UTRN: variants seen among roughly 807,000 people sequenced by gnomAD.
The protein encoded by UTRN is utrophin, also known as dystrophin-related protein 1.
UTRN carries 283 observed loss-of-function variants against 463.9 expected under a neutral mutation model. That is an observed-to-expected ratio of 0.61 (90% CI 0.55 to 0.67). The LOEUF (loss-of-function observed/expected upper bound fraction) is 0.67. UTRN is among the 30% of genes least tolerant of loss of function. UTRN has a pLI of 0.00. For missense variants in UTRN, 3,922 were observed against 4,084.3 expected (o/e 0.96, Z 1.08); for synonymous variants, 1,442 against 1,431.5 (o/e 1.01, Z -0.17).
chr6:144,320,359 C>G (rs902596465), intron 2 of UTRN, among the ~76,000 whole-genome samples: 1 of 152,116 alleles, frequency 6.6e-6, no homozygotes, highest in Non-Finnish European at 1.5e-5. Context: ...CTCTTTGCAT[C>G]ATTGCCTCTG....
intron 33 of UTRN, 51 bp downstream of exon 33, chr6:144,493,507 CTCAA>C: frequency 6.5e-7 from 1 of 1,545,196 alleles, no homozygotes; most frequent in Non-Finnish European, 8.8e-7. Context: ...CTCTCTCTCT[CTCAA>C]TCTCTCTCTC....
chr6:144,322,203 T>C (rs1007506463), intron 2 of UTRN, among the ~76,000 whole-genome samples: 1 of 152,232 alleles, frequency 6.6e-6, no homozygotes, highest in Non-Finnish European at 1.5e-5. Flanking sequence ...TTTTTTCACA[T>C]GGAAACTGGT....
Position 144,523,189 on chromosome 6 carries a change from G to T in UTRN, c.5906+1G>T. 1.3e-6 allele frequency: 2 copies of T among 1,558,040 alleles called. No individual in the cohort carries two copies. The highest frequency in any genetic ancestry group is 1.7e-6 in the Non-Finnish European group (2 of 1,154,966). On this transcript the variant is annotated splice_donor_variant, in intron 41 of 74. Coordinates refer to ENST00000367545, the MANE Select transcript of UTRN (RefSeq NM_007124.3). LOFTEE classifies it high-confidence loss of function. The stretch of plus-strand genomic sequence containing the variant: ...ATAGAATGTACAGTGATCGGAAAGG[G>T]TATGTGTAAATGAAATTAATATTTA...
intron 41 of UTRN, among the ~76,000 whole-genome samples, chr6:144,524,524 T>C (rs1796393423): frequency 1.3e-5 from 2 of 152,184 alleles, no homozygotes; most frequent in Non-Finnish European, 2.9e-5. Context: ...GCTACTAATT[T>C]TTGTACGTCA....
intron 51 of UTRN, among the ~76,000 whole-genome samples, chr6:144,642,269 C>T (rs920605135): frequency 2.6e-5 from 4 of 152,118 alleles, no homozygotes; most frequent in African/African-American, 9.7e-5. Flanking sequence ...AGATTATATT[C>T]GTTGTATAAA....
chr6:144,528,290 C>A (rs539386297), intron 41 of UTRN, among the ~76,000 whole-genome samples: 1 of 152,296 alleles, frequency 6.6e-6, no homozygotes, highest in East Asian at 1.9e-4. Flanking sequence ...CCTGCCTTGG[C>A]CTCCCAAGTT....
intron 57 of UTRN, among the ~76,000 whole-genome samples, chr6:144,756,462 C>T (rs1791997551): frequency 6.6e-6 from 1 of 152,058 alleles, no homozygotes; most frequent in South Asian, 2.1e-4. Context: ...TTATTCAAAT[C>T]AAAACAATTA....
chr6:144,600,242 G>A (rs950743505), intron 51 of UTRN, among the ~76,000 whole-genome samples: 3 of 152,124 alleles, frequency 2.0e-5, no homozygotes, highest in East Asian at 1.9e-4. Context: ...AAGAAGAATT[G>A]CACAATGCTC....
Position 144,447,734 on chromosome 6 carries a change from C to T in UTRN, c.1855C>T (p.Gln619Ter). Residue 619 changes from glutamine (Q) to a stop codon, truncating the protein, a stop_gained, in exon 16 of 75, where the codon CAA (glutamine) becomes TAA (stop). Coordinates refer to ENST00000367545, the MANE Select transcript of UTRN (RefSeq NM_007124.3). LOFTEE classifies it high-confidence loss of function. ...KINSDSEELT[Q>*]RWDSLVQRLE... is the part of the protein sequence containing the mutation. ...CAACAGTGACTCAGAGGAACTGACTCAAAGATGGGATTCTTTGGTTCAGAG... is the reference window on the plus strand; with the variant it reads ...CAACAGTGACTCAGAGGAACTGACTTAAAGATGGGATTCTTTGGTTCAGAG... 1 of 1,613,812 alleles carries T rather than the reference C, an allele frequency of 6.2e-7. No individual in the cohort carries two copies. The highest frequency in any genetic ancestry group is 8.5e-7 in the Non-Finnish European group (1 of 1,179,864).
In UTRN at chr6:144,444,286, T is replaced by C. The variant is rs114663147; in HGVS notation, c.1518T>C (p.Leu506=). The C allele has an allele frequency of 5.7e-5, 92 of 1,608,914 alleles. No homozygotes were observed. The African/African-American group carries it at 1.2e-3, about 21-fold the overall frequency. ...TAILEDQLQK[L]GERWTAVCRW... ...ATGGTTTCTCCTTTTTCTAGAAACTTGGTGAGCGCTGGACAGCAGTATGCC... is the reference window on the plus strand; with the variant it reads ...ATGGTTTCTCCTTTTTCTAGAAACTCGGTGAGCGCTGGACAGCAGTATGCC... Residue 506 remains leucine (L), a synonymous_variant, in exon 14 of 75, where the codon CTT becomes CTC. Coordinates refer to ENST00000367545, the MANE Select transcript of UTRN (RefSeq NM_007124.3).
At chr6:144,569,067 A>T (rs905164922) in intron 50 of UTRN, among the ~76,000 whole-genome samples, 14 of 152,118 alleles carry the variant, frequency 9.2e-5, no homozygotes, top group African/African-American at 3.4e-4. Context: ...TTGAGAATGG[A>T]TAAAAAATCT....
chr6:144,474,314 G>C (rs1306219100), intron 24 of UTRN, among the ~76,000 whole-genome samples: 2 of 151,948 alleles, frequency 1.3e-5, no homozygotes, highest in Non-Finnish European at 2.9e-5. Flanking sequence ...GAATTTGCTA[G>C]TAATAGTGCA....
chr6:144,798,164 A>G (rs906069555), intron 64 of UTRN, among the ~76,000 whole-genome samples, 174 bp downstream of exon 64: 4 of 152,170 alleles, frequency 2.6e-5, no homozygotes, highest in Non-Finnish European at 4.4e-5. Flanking sequence ...TAACTACTAC[A>G]TGAAGCATAT....
chr6:144,754,143 TCTAA>T (rs1342711463), intron 56 of UTRN, among the ~76,000 whole-genome samples: 2 of 152,136 alleles, frequency 1.3e-5, no homozygotes, highest in African/African-American at 4.8e-5. Flanking sequence ...CTATTATCTA[TCTAA>T]CTATCTAGTT....
At chr6:144,672,436 A>T (rs1781147066) in intron 51 of UTRN, among the ~76,000 whole-genome samples, 1 of 151,872 alleles carries the variant, frequency 6.6e-6, no homozygotes, top group Non-Finnish European at 1.5e-5. Context: ...TTTCTAGCTT[A>T]TGTGTGTAAA....
At position 144,516,401 on chromosome 6, in the gene UTRN, G is replaced by C; in HGVS notation, c.5403+14G>C. 6.2e-7 allele frequency: 1 copy of C among 1,604,442 alleles called. No homozygotes were observed. The highest frequency in any genetic ancestry group is 2.2e-5 in the East Asian group (1 of 44,712). ...GAAGATGAAAAGGTTGGTTCAAGGA[G>C]ATTTCAAAACCATGGTGGTCTCATT... On this transcript the variant is annotated intron_variant, in intron 38 of 74. Coordinates refer to ENST00000367545, the MANE Select transcript of UTRN (RefSeq NM_007124.3).
chr6:144,826,592 C>G (rs1396235651), intron 66 of UTRN, among the ~76,000 whole-genome samples: 2 of 152,064 alleles, frequency 1.3e-5, no homozygotes, highest in Non-Finnish European at 2.9e-5. Flanking sequence ...TATGACATCC[C>G]CAGCATTAAG....
At chr6:144,387,272 A>T (rs1781501485) in intron 2 of UTRN, among the ~76,000 whole-genome samples, 1 of 152,082 alleles carries the variant, frequency 6.6e-6, no homozygotes, top group Non-Finnish European at 1.5e-5. Flanking sequence ...CCTCCTGAGT[A>T]GTGGAAATTA....
At chr6:144,816,031 A>T (rs571120095) in intron 65 of UTRN, among the ~76,000 whole-genome samples, 216 of 152,348 alleles carry the variant, frequency 1.4e-3, no homozygotes, top group African/African-American at 4.9e-3. Flanking sequence ...ACACTGCCAA[A>T]TACCACTAAT....
Sources: allele counts gnomAD v4.1 joint callset (sites outside exome capture counted in the v4.1 genomes callset), GRCh38; gene constraint gnomAD v4.1.1; transcripts MANE v1.5; gene names NCBI Gene and HGNC (gene_info 2026-07-23, HGNC 2026-07-21).